The following NRK variants were observed in gnomAD, a reference collection of about 807,000 sequenced individuals.
NRK encodes nik-related protein kinase.
NRK carries 67 observed loss-of-function variants against 125.2 expected under a neutral mutation model. That is an observed-to-expected ratio of 0.54 (90% confidence interval 0.44 to 0.66). The LOEUF (loss-of-function observed/expected upper bound fraction) is 0.66, where lower values mean the gene tolerates loss of function less well. NRK is among the 30% of genes least tolerant of loss of function. The pLI is 0.00. For missense variants in NRK, 1,224 were observed against 1,192.9 expected (o/e 1.03, Z -0.38); for synonymous variants, 458 against 429.0 (o/e 1.07, Z -0.84).
At chrX:105,882,375 G>A (rs911894491) in intron 4 of NRK, among the ~76,000 whole-genome samples, 2 of 110,355 alleles carry the variant, frequency 1.8e-5, no homozygotes, top group African/African-American at 6.6e-5. Flanking sequence ...TTTTCTATGT[G>A]CAGCTTTTTG....
intron 7 of NRK, among the ~76,000 whole-genome samples, chrX:105,896,817 TG>T (rs1362146419): frequency 8.9e-6 from 1 of 111,860 alleles, no homozygotes; most frequent in African/African-American, 3.3e-5. Context: ...CACTCTAGCC[TG>T]GGTGGCAGAG....
At chrX:105,843,305 G>A (rs2039352988) in intron 2 of NRK, among the ~76,000 whole-genome samples, 1 of 112,002 alleles carries the variant, frequency 8.9e-6, no homozygotes, top group African/African-American at 3.3e-5. Flanking sequence ...ATCTCTTTGG[G>A]ACTAGCACAA....
At chrX:105,859,555 A>G (rs1029330943) in intron 2 of NRK, among the ~76,000 whole-genome samples, 1 of 112,216 alleles carries the variant, frequency 8.9e-6, no homozygotes, top group Non-Finnish European at 1.9e-5. Flanking sequence ...TGTGTTTAAC[A>G]TAATATGCTG....
intron 2 of NRK, among the ~76,000 whole-genome samples, chrX:105,831,505 T>C (rs1408172268): frequency 8.9e-6 from 1 of 112,568 alleles, no homozygotes; most frequent in Non-Finnish European, 1.9e-5. Context: ...CATAACATTC[T>C]ATATCATACT....
intron 2 of NRK, among the ~76,000 whole-genome samples, chrX:105,853,540 C>T (rs994761837): frequency 1.8e-5 from 2 of 112,033 alleles, no homozygotes; most frequent in African/African-American, 6.5e-5. Flanking sequence ...GACACACACA[C>T]ACAAATTTAG....
chrX:105,934,956 G>A (rs1002276856), intron 20 of NRK, among the ~76,000 whole-genome samples: 6 of 111,728 alleles, frequency 5.4e-5, no homozygotes, highest in Non-Finnish European at 7.5e-5. Flanking sequence ...TTACAGGTGT[G>A]AGCCACGACA....
intron 22 of NRK, among the ~76,000 whole-genome samples, chrX:105,939,535 A>G (rs1269902812): frequency 9.0e-6 from 1 of 111,125 alleles, no homozygotes; most frequent in Non-Finnish European, 1.9e-5. Context: ...TGAACTCCAG[A>G]GGAGTTATGA....
In NRK at chrX:105,888,316, C is replaced by G; in HGVS notation, c.275C>G (p.Thr92Ser). The G allele has an allele frequency of 3.4e-6, 4 of 1,193,897 alleles. No individual in the cohort carries two copies. The highest frequency in any genetic ancestry group is 4.5e-6 in the Non-Finnish European group (4 of 883,310). Residue 92 changes from threonine (T) to serine (S), a missense_variant, in exon 5 of 29, where the codon ACT (threonine) becomes AGT (serine). Physicochemically the swap from Thr to Ser is moderately conservative, Grantham distance 58. Coordinates refer to ENST00000243300, the MANE Select transcript of NRK (RefSeq NM_198465.4). ...TAGGATGAGGAAGAGGATCTCAGGACTGAACTCAACCTTCTGAGGAAGTAC... is the reference window on the plus strand; with the variant it reads ...TAGGATGAGGAAGAGGATCTCAGGAGTGAACTCAACCTTCTGAGGAAGTAC... The part of the protein sequence containing the change: ...RYSDEEEDLR[T>S]ELNLLRKYSF...
intron 14 of NRK, 74 bp downstream of exon 14, chrX:105,912,829 A>C: frequency 2.0e-6 from 1 of 488,085 alleles, no homozygotes; most frequent in Non-Finnish European, 3.4e-6. Context: ...TTTTGGTCTC[A>C]GTGTCCCTTT....
At chrX:105,934,914 A>G (rs1200599060) in intron 20 of NRK, among the ~76,000 whole-genome samples, 1 of 111,906 alleles carries the variant, frequency 8.9e-6, no homozygotes, top group Non-Finnish European at 1.9e-5. Context: ...ATTCTTAATG[A>G]TCCTCCCACC....
At chrX:105,912,131 G>A (rs752021481) in intron 13 of NRK, among the ~76,000 whole-genome samples, 2 of 111,523 alleles carry the variant, frequency 1.8e-5, no homozygotes, top group South Asian at 3.8e-4. Flanking sequence ...TCTTTCAGTT[G>A]AAGAGATAAT....
intron 1 of NRK, among the ~76,000 whole-genome samples, chrX:105,826,294 C>CACATATATATTATAT (rs1701447818): frequency 2.7e-5 from 2 of 74,682 alleles, no homozygotes; most frequent in Non-Finnish European, 4.9e-5. Flanking sequence ...TATATATTAT[C>CACATATATATTATAT]ATATATATAA....
chrX:105,875,010 A>C lies in NRK; in HGVS notation c.124-5189A>C, dbSNP rs184715567. On this transcript the variant is annotated intron_variant, in intron 2 of 28. Transcript: ENST00000243300. Reference sequence around the variant, plus strand: ...TTAGTTGTGTCAGCATAAATTAATCAGGGAAGTTTTTTAGGACTTTATTTA... The same window carrying C: ...TTAGTTGTGTCAGCATAAATTAATCCGGGAAGTTTTTTAGGACTTTATTTA... Among the ~76,000 whole-genome samples the C allele has an allele frequency of 3.5e-3, 389 of 111,817 alleles. 2 individuals carry two copies. The highest frequency in any genetic ancestry group is 6.1e-3 in the Non-Finnish European group (325 of 53,019).
chrX:105,924,608 G>A, intron 18 of NRK, 87 bp from the exon 19 acceptor site: 1 of 743,623 alleles, frequency 1.3e-6, no homozygotes. Context: ...ATATGTATAA[G>A]ACACATCCTA....
At chrX:105,929,667 A>G (rs979367367) in intron 19 of NRK, among the ~76,000 whole-genome samples, 1 of 110,605 alleles carries the variant, frequency 9.0e-6, no homozygotes, top group Non-Finnish European at 1.9e-5. Flanking sequence ...TCACCTTTCT[A>G]TACCTGCTTT....
intron 2 of NRK, among the ~76,000 whole-genome samples, chrX:105,856,203 G>C (rs2039530499): frequency 8.9e-6 from 1 of 111,752 alleles, no homozygotes; most frequent in Non-Finnish European, 1.9e-5. Context: ...ACCTAACAAA[G>C]AACTCTCATT....
chrX:105,891,105 T>G (rs928662976), intron 5 of NRK, among the ~76,000 whole-genome samples: 2 of 111,984 alleles, frequency 1.8e-5, no homozygotes, highest in African/African-American at 6.5e-5. Context: ...GCATTTTAAG[T>G]TTTTGCAAAG....
At chrX:105,873,649 C>T (rs760335907) in intron 2 of NRK, among the ~76,000 whole-genome samples, 2 of 111,751 alleles carry the variant, frequency 1.8e-5, no homozygotes, top group African/African-American at 3.2e-5. Flanking sequence ...TATGACATTT[C>T]CCCCTTTTTC....
intron 5 of NRK, 82 bp downstream of exon 5, chrX:105,888,501 G>T: frequency 1.2e-6 from 1 of 842,730 alleles, no homozygotes; most frequent in Non-Finnish European, 1.6e-6. Flanking sequence ...TATCACTTTT[G>T]TGCATCTACA....
Sources: gnomAD v4.1 joint callset for allele counts (sites outside exome capture counted in the v4.1 genomes callset) on GRCh38, gnomAD v4.1.1 for gene constraint, MANE v1.5 for transcripts, NCBI Gene and HGNC (gene_info 2026-07-23, HGNC 2026-07-21) for gene names.